CCNO: variants seen among roughly 807,000 people sequenced by gnomAD.
CCNO encodes cyclin-O.
In CCNO, 24 loss-of-function variants were observed where a neutral mutation model predicts 23.9. That is an observed-to-expected ratio of 1.00 (90% CI 0.73 to 1.41). The LOEUF (loss-of-function observed/expected upper bound fraction) is 1.41. CCNO is among the 40% of genes most tolerant of loss of function. The pLI is 0.00. For synonymous variants in CCNO, 241 were observed against 225.7 expected, an observed-to-expected ratio of 1.07 and a Z score of -0.61; for missense variants, 542 against 476.2, an observed-to-expected ratio of 1.14 and a Z score of -1.29.
Position 55,231,804 on chromosome 5 carries a change from GA to G in CCNO, c.623del (p.Phe208SerfsTer61). 1 of 1,556,776 alleles carries G rather than the reference GA, an allele frequency of 6.4e-7. No homozygotes were observed. ...CGAGGTTGCAGAGCTGCTGCCGGGA[GA>G]AGGCGCCGCAGCAGAGGGCCAGAAG... Reference protein sequence around the residue: ...KQLLALCCGAFSRQQLCNLEC... With the variant: ...KQLLALCCGAXSRQQLCNLEC... On this transcript the variant is annotated frameshift_variant, in exon 3 of 3. Coordinates refer to ENST00000282572, the MANE Select transcript of CCNO (RefSeq NM_021147.5). LOFTEE classifies it high-confidence loss of function.
chr5:55,231,317 G>A lies in CCNO; in HGVS notation c.*58C>T, dbSNP rs779873505. 2.6e-5 allele frequency: 41 copies of A among 1,592,574 alleles called. No homozygotes were observed. Among genetic ancestry groups the A allele is most frequent in the Non-Finnish European group, 3.5e-5 (41 of 1,168,356 alleles). On this transcript the variant is annotated 3_prime_UTR_variant, in exon 3 of 3. Transcript: ENST00000282572. ...GTGGACCAGTACTGCACTCTTCTGA[G>A]GCTACGGGAGAGGTCCAGCAGCCGG...
Position 55,231,750 on chromosome 5 carries a change from G to A in CCNO, c.678C>T (p.Phe226=), listed in dbSNP as rs764650963. ...LECIVLHKLH[F]TLGAPTISFF... Reference sequence around the variant, plus strand: ...AGCTAATGGTGGGCGCACCCAGGGTGAAGTGCAGCTTGTGCAGCACGATGC... The same window carrying A: ...AGCTAATGGTGGGCGCACCCAGGGTAAAGTGCAGCTTGTGCAGCACGATGC... Residue 226 remains phenylalanine (F), a synonymous_variant, in exon 3 of 3, where the codon TTC becomes TTT. Transcript: ENST00000282572. The A allele has an allele frequency of 6.4e-6, 10 of 1,573,202 alleles. No individual in the cohort carries two copies. The highest frequency in any genetic ancestry group is 2.7e-5 in the African/African-American group (2 of 74,168).
chr5:55,231,586 G>T lies in CCNO; in HGVS notation c.842C>A (p.Ser281Tyr). 1 of 1,613,414 alleles carries T rather than the reference G, an allele frequency of 6.2e-7. No homozygotes were observed. Residue 281 changes from serine (S) to tyrosine (Y), a missense_variant, in exon 3 of 3, where the codon TCC (serine) becomes TAC (tyrosine). Ser to Tyr is a moderately radical substitution (Grantham distance 144). Coordinates refer to ENST00000282572, the MANE Select transcript of CCNO (RefSeq NM_021147.5). ...CGCCAGGCAGCAGATCGCCAGGAGG[G>T]AAGGGGAGTAGCTGGTGAAGGCATA... ...ADYAFTSYSP[S>Y]LLAICCLALA...
chr5:55,232,928 G>A, intron 1 of CCNO: 1 of 607,682 alleles, frequency 1.6e-6, no homozygotes, highest in Non-Finnish European at 2.9e-6. Context: ...GCCAGCTTGG[G>A]ACGGGGCAAG....
In CCNO at chr5:55,231,513, C is replaced by T. The variant is rs1237931945; in HGVS notation, c.915G>A (p.Leu305=). 6.2e-7 allele frequency: 1 copy of T among 1,613,790 alleles called. No individual in the cohort carries two copies. The highest frequency in any genetic ancestry group is 1.7e-5 in the Admixed American group (1 of 60,032). ...CCAGCGCCGCCTCCGGGTGGTCTCC[C>T]AGTCGCAAGTCCACGGGCCGCGAGA... ...LRVSRPVDLR[L]GDHPEAALED... is the part of the protein sequence containing the mutation. Residue 305 remains leucine, a synonymous_variant, in exon 3 of 3, where the codon CTG becomes CTA. Transcript: ENST00000282572.
At chr5:55,233,101 A>G in intron 1 of CCNO, 42 bp downstream of exon 1, 1 of 1,521,916 alleles carries the variant, frequency 6.6e-7, no homozygotes, top group Non-Finnish European at 8.8e-7. Context: ...CTGGGAGGAG[A>G]GGAAGAGCGG....
In CCNO at chr5:55,231,247, T is replaced by G; in HGVS notation, c.*128A>C. 9.9e-7 allele frequency: 1 copy of G among 1,010,232 alleles called. No individual in the cohort carries two copies. Among genetic ancestry groups the G allele is most frequent in the Middle Eastern group, 2.2e-4 (1 of 4,638 alleles). The allele number at this position is 1,010,232 out of a possible 1,614,324, so 62.6% of individuals were successfully genotyped here. The stretch of plus-strand genomic sequence containing the variant: ...AATACCAGATGCTAGTATCGTACAC[T>G]ATTTACAACCTGCAGCTGACCAAGC... On this transcript the variant is annotated 3_prime_UTR_variant, in exon 3 of 3. Transcript: ENST00000282572.
Position 55,231,439 on chromosome 5 carries a change from G to A in CCNO, c.989C>T (p.Ser330Phe), listed in dbSNP as rs750696117. ...CTGAACGGGCAGCATGTGAGTCAAG[G>A]AAGTACTGTTTATGGCCACCAGCAG... The part of the protein sequence containing the change: ...LQLLVAINST[S>F]LTHMLPVQIC... Residue 330 changes from serine to phenylalanine, a missense_variant, in exon 3 of 3, where the codon TCC becomes TTC. Physicochemically the swap from Ser to Phe is radical, Grantham distance 155. Transcript: ENST00000282572. 6 of 1,614,048 alleles carry A rather than the reference G, an allele frequency of 3.7e-6. No homozygotes were observed. Among genetic ancestry groups the A allele is most frequent in the Admixed American group, 1.7e-5 (1 of 60,014 alleles).
At chr5:55,232,091 C>CT (rs1433017138) in intron 2 of CCNO, among the ~76,000 whole-genome samples, 1 of 151,934 alleles carries the variant, frequency 6.6e-6, no homozygotes, top group Non-Finnish European at 1.5e-5. Flanking sequence ...GGAGGCTAGA[C>CT]TAGAGGTGCC....
At chr5:55,232,054 A>AT (rs1745599876) in intron 2 of CCNO, among the ~76,000 whole-genome samples, 194 bp from the exon 3 acceptor site, 1 of 151,928 alleles carries the variant, frequency 6.6e-6, no homozygotes, top group South Asian at 2.1e-4. Flanking sequence ...AAAAAAAAAA[A>AT]GCTTGGGAAA....
In CCNO at chr5:55,233,426, C is replaced by G; in HGVS notation, c.98G>C (p.Arg33Thr). The stretch of plus-strand genomic sequence containing the variant: ...CTGCTTCCTCCGGAGGCGCGGACGC[C>G]TGCTCTTCTTCACCGGGGCGCGAAG... The part of the protein sequence containing the change: ...QNLRAPVKKS[R>T]RPRLRRKQPL... Residue 33 changes from arginine (R) to threonine (T), a missense_variant, in exon 1 of 3, where the codon AGG becomes ACG. Coordinates refer to ENST00000282572, the MANE Select transcript of CCNO (RefSeq NM_021147.5). 6.2e-7 allele frequency: 1 copy of G among 1,607,616 alleles called. No homozygotes were observed. Among genetic ancestry groups the G allele is most frequent in the Non-Finnish European group, 8.5e-7 (1 of 1,177,872 alleles).
Position 55,232,358 on chromosome 5 carries a change from T to A in CCNO, c.567+3A>T, listed in dbSNP as rs749589131. On this transcript the variant is annotated splice_donor_region_variant and intron_variant, in intron 2 of 2. Coordinates refer to ENST00000282572, the MANE Select transcript of CCNO (RefSeq NM_021147.5). ...GCGTGTACCTGTTTGATACCCCAGGTACCTGTTTGCAAGCGATGAGCAAGG... is the reference window on the plus strand; with the variant it reads ...GCGTGTACCTGTTTGATACCCCAGGAACCTGTTTGCAAGCGATGAGCAAGG... 3 of 1,613,056 alleles carry A rather than the reference T, an allele frequency of 1.9e-6. No individual in the cohort carries two copies. The highest frequency in any genetic ancestry group is 2.5e-6 in the Non-Finnish European group (3 of 1,179,748).
In CCNO at chr5:55,231,488, C is replaced by G; in HGVS notation, c.940G>C (p.Glu314Gln). ...AGCTGCAACTTGCCCATACAGTCCTCCAGCGCCGCCTCCGGGTGGTCTCCC... is the reference window on the plus strand; with the variant it reads ...AGCTGCAACTTGCCCATACAGTCCTGCAGCGCCGCCTCCGGGTGGTCTCCC... ...RLGDHPEAAL[E>Q]DCMGKLQLLV... Residue 314 changes from glutamate (E) to glutamine (Q), a missense_variant, in exon 3 of 3, where the codon GAG becomes CAG. Glu to Gln is a conservative substitution (Grantham distance 29). Transcript: ENST00000282572. 1 of 1,614,034 alleles carries G rather than the reference C, an allele frequency of 6.2e-7. No individual in the cohort carries two copies.
At position 55,231,514 on chromosome 5, in the gene CCNO, A is replaced by T; in HGVS notation, c.914T>A (p.Leu305Gln). 1 of 1,613,744 alleles carries T rather than the reference A, an allele frequency of 6.2e-7. No individual in the cohort carries two copies. ...LRVSRPVDLR[L>Q]GDHPEAALED... Reference sequence around the variant, plus strand: ...CAGCGCCGCCTCCGGGTGGTCTCCCAGTCGCAAGTCCACGGGCCGCGAGAC... The same window carrying T: ...CAGCGCCGCCTCCGGGTGGTCTCCCTGTCGCAAGTCCACGGGCCGCGAGAC... The change falls in exon 3 of 3, where the codon CTG (leucine) becomes CAG (glutamine). Residue 305 changes from leucine (L) to glutamine (Q), a missense_variant. Leu to Gln is a moderately radical substitution (Grantham distance 113). Coordinates refer to ENST00000282572, the MANE Select transcript of CCNO (RefSeq NM_021147.5).
chr5:55,232,517 G>A lies in CCNO; in HGVS notation c.411C>T (p.Leu137=), dbSNP rs1448942490. The change falls in exon 2 of 3, where the codon CTC becomes CTT. Residue 137 remains leucine, a synonymous_variant. Coordinates refer to ENST00000282572, the MANE Select transcript of CCNO (RefSeq NM_021147.5). The part of the protein sequence containing the change: ...QVTAESRCKL[L]SWLIPVHRQF... ...GGCGGTGCACCGGGATCAGCCAGCT[G>A]AGCAGCTTACAGCGGGATTCCGCCG... 1 of 1,613,556 alleles carries A rather than the reference G, an allele frequency of 6.2e-7. No individual in the cohort carries two copies.
Position 55,233,123 on chromosome 5 carries a change from T to A in CCNO, c.381+20A>T. On this transcript the variant is annotated intron_variant, in intron 1 of 2. Transcript: ENST00000282572. ...GAGAGGAAGAGCGGCGGCGTGGAGCTGGCTCTACCAGCACCTCACTTGTGG... is the reference window on the plus strand; with the variant it reads ...GAGAGGAAGAGCGGCGGCGTGGAGCAGGCTCTACCAGCACCTCACTTGTGG... 3 of 1,534,554 alleles carry A rather than the reference T, an allele frequency of 2.0e-6. No homozygotes were observed. The highest frequency in any genetic ancestry group is 2.6e-6 in the Non-Finnish European group (3 of 1,144,916).
intron 1 of CCNO, chr5:55,232,864 G>A: frequency 5.1e-6 from 3 of 588,546 alleles, no homozygotes; most frequent in Middle Eastern, 4.5e-4. Flanking sequence ...GCCCGAGTTC[G>A]GTAGGAGTCC....
intron 1 of CCNO, 84 bp from the exon 2 acceptor site, chr5:55,232,630 C>G: frequency 1.5e-6 from 2 of 1,336,058 alleles, no homozygotes; most frequent in Non-Finnish European, 2.1e-6. Flanking sequence ...CAAGAAGAAT[C>G]GGGGAGCTTC....
intron 2 of CCNO, 117 bp from the exon 3 acceptor site, chr5:55,231,977 TC>T: frequency 1.7e-6 from 2 of 1,154,076 alleles, no homozygotes; most frequent in Non-Finnish European, 2.4e-6. Flanking sequence ...GCTCTGCCTC[TC>T]CACTGCTTCC....
Sources: allele counts gnomAD v4.1 joint callset (sites outside exome capture counted in the v4.1 genomes callset), GRCh38; gene constraint gnomAD v4.1.1; transcripts MANE v1.5; gene names NCBI Gene and HGNC (gene_info 2026-07-23, HGNC 2026-07-21).